Variants in RPL23A observed in about 807,000 individuals in gnomAD.
RPL23A encodes large ribosomal subunit protein uL23.
A neutral mutation model predicts 17.6 loss-of-function variants in RPL23A; 2 were observed. That is an observed-to-expected ratio of 0.11 (90% CI 0.05 to 0.36). The LOEUF (loss-of-function observed/expected upper bound fraction) is 0.36. Ranked by LOEUF, RPL23A falls within the 10% of genes least tolerant of loss-of-function variation. The pLI is 1.00. For missense variants in RPL23A, 132 were observed against 194.4 expected (o/e 0.68, Z 1.91); for synonymous variants, 65 against 74.3 (o/e 0.87, Z 0.65).
chr17:28,721,703 C>T (rs2151724285), intron 2 of RPL23A: 1 of 152,234 alleles, frequency 6.6e-6, no homozygotes, highest in East Asian at 1.9e-4. Context: ...TAATAACTGA[C>T]TTTTTAGGGA....
intron 2 of RPL23A, among the ~76,000 whole-genome samples, chr17:28,722,072 C>T (rs531464956): frequency 4.5e-4 from 69 of 151,724 alleles, no homozygotes; most frequent in African/African-American, 1.2e-3. Context: ...GGTGAAACCC[C>T]GTCTCTACTA....
intron 3 of RPL23A, 71 bp from the exon 4 acceptor site, chr17:28,723,500 C>T (rs200729777): frequency 3.8e-6 from 4 of 1,055,974 alleles, no homozygotes; most frequent in Non-Finnish European, 6.0e-6. Flanking sequence ...TGCCGGAGGA[C>T]TGGAGGAGGA....
Position 28,720,802 on chromosome 17 carries a change from C to T in RPL23A, c.121C>T (p.Arg41Cys). Residue 41 changes from arginine (R) to cysteine (C), a missense_variant, in exon 2 of 5, where the codon CGC becomes TGC. This residue lies in a region of RPL23A where 63 missense variants were observed against 48.9 expected (regional missense o/e 1.29). Transcript: ENST00000422514. ...GVHSHKKKKI[R>C]TSPTFRRPKT... ...CCACAGCCACAAAAAGAAGAAGATC[C>T]GCACGTCACCCACCTTCCGGCGGCC... 3 of 1,613,078 alleles carry T rather than the reference C, an allele frequency of 1.9e-6. No individual in the cohort carries two copies. The highest frequency in any genetic ancestry group is 2.2e-5 in the South Asian group (2 of 91,056).
rs2034098034 is a variant in RPL23A at position 28,720,626 on chromosome 17, G to C, written c.26-81G>C. 3 of 1,474,886 alleles carry C rather than the reference G, an allele frequency of 2.0e-6. No individual in the cohort carries two copies. In the East Asian group the frequency reaches 6.8e-5, roughly 33 times the overall value. 91.4% of individuals were successfully genotyped at this position (1,474,886 alleles called of 1,614,324 possible). On this transcript the variant is annotated intron_variant, in intron 1 of 4. Coordinates refer to ENST00000422514, the MANE Select transcript of RPL23A (RefSeq NM_000984.6). ...GGAACCACTGATGCACCTGTGGCCA[G>C]GGTGGCCCACTGCAGTTCTTGGGGC...
intron 2 of RPL23A, chr17:28,721,354 C>CA (rs200083924): frequency 0.12 from 15,950 of 138,328 alleles, 887 homozygotes; most frequent in South Asian, 0.21. Context: ...AACTCTGTCT[C>CA]AAAAAAAAAA....
intron 2 of RPL23A, 165 bp downstream of exon 2, chr17:28,721,055 C>T (rs2034105556): frequency 3.0e-6 from 2 of 671,016 alleles, no homozygotes; most frequent in Non-Finnish European, 5.0e-6. Context: ...ACAAAACTGG[C>T]AGGATCAGCC....
At chr17:28,721,633 C>T (rs1240442746) in intron 2 of RPL23A, 1 of 152,030 alleles carries the variant, frequency 6.6e-6, no homozygotes, top group East Asian at 1.9e-4. Context: ...TCATACTGCT[C>T]AAGGAACAGT....
chr17:28,722,965 T>G, intron 3 of RPL23A, 66 bp downstream of exon 3: 5 of 1,287,302 alleles, frequency 3.9e-6, no homozygotes, highest in South Asian at 1.2e-5. Context: ...AAAACCTGCA[T>G]TCCATGAAGC....
intron 1 of RPL23A, 35 bp downstream of exon 1, chr17:28,720,065 C>T (rs976098648): frequency 2.6e-6 from 4 of 1,550,586 alleles, no homozygotes; most frequent in Non-Finnish European, 2.6e-6. Flanking sequence ...GCTGGTTTAC[C>T]GGGGATTGCC....
In RPL23A at chr17:28,723,826, A is replaced by G. The variant is rs370767232; in HGVS notation, c.457-41A>G. On this transcript the variant is annotated intron_variant, in intron 4 of 4. Transcript: ENST00000422514. ...AAAATAACATTCCAGCTTAATCTTC[A>G]TATTTCAACTCCAGTAACGAGGCTC... 17 of 1,585,906 alleles carry G rather than the reference A, an allele frequency of 1.1e-5. No individual in the cohort carries two copies. The African/African-American group carries it at 1.7e-4, about 16-fold the overall frequency.
chr17:28,722,250 A>G (rs74993157), intron 2 of RPL23A, among the ~76,000 whole-genome samples: 1 of 151,188 alleles, frequency 6.6e-6, no homozygotes, highest in East Asian at 1.9e-4. Flanking sequence ...TGTCTCAAAA[A>G]AAAAAAAAAA....
chr17:28,720,681 C>G lies in RPL23A; in HGVS notation c.26-26C>G, dbSNP rs375213949. On this transcript the variant is annotated intron_variant, in intron 1 of 4. Coordinates refer to ENST00000422514, the MANE Select transcript of RPL23A (RefSeq NM_000984.6). ...AGTGACCGATTTCTAAATCCCGCAC[C>G]CACGTTTTCTTTCCTTTTCTCCCAG... 75 of 1,613,450 alleles carry G rather than the reference C, an allele frequency of 4.6e-5. No individual in the cohort carries two copies. In the African/African-American group the frequency reaches 8.5e-4, roughly 18 times the overall value.
rs557540065 is a variant in RPL23A, at chr17:28,722,740, T to C, written c.227T>C (p.Ile76Thr). The C allele has an allele frequency of 6.2e-7, 1 of 1,614,088 alleles. No homozygotes were observed. The highest frequency in any genetic ancestry group is 1.3e-5 in the African/African-American group (1 of 75,024). ...TCTCCCAGGCTTGACCACTATGCTA[T>C]CATCAAGTTTCCGCTGACCACTGAG... The part of the protein sequence containing the change: ...PRRNKLDHYA[I>T]IKFPLTTESA... Residue 76 changes from isoleucine to threonine, a missense_variant, in exon 3 of 5, where the codon ATC (isoleucine) becomes ACC (threonine). Coordinates refer to ENST00000422514, the MANE Select transcript of RPL23A (RefSeq NM_000984.6).
Position 28,722,660 on chromosome 17 carries a change from C to T in RPL23A, c.210-63C>T, listed in dbSNP as rs375381629. The T allele has an allele frequency of 5.0e-6, 7 of 1,389,828 alleles. No individual in the cohort carries two copies. The Admixed American group carries it at 8.4e-5, about 17-fold the overall frequency. 86.1% of individuals were successfully genotyped at this position (1,389,828 alleles called of 1,614,324 possible). On this transcript the variant is annotated intron_variant, in intron 2 of 4. Transcript: ENST00000422514. ...CCTCGTTGTCTGATGCACCTAGGCTCTCCTGGCTCTGGGCTCCAAAAGAAT... is the reference window on the plus strand; with the variant it reads ...CCTCGTTGTCTGATGCACCTAGGCTTTCCTGGCTCTGGGCTCCAAAAGAAT...
rs988121799 is a variant in RPL23A, at chr17:28,720,976, C to T, written c.209+86C>T. ...ATTCACTCACTCTGCGTGATGGTTT[C>T]TCAAACGCAAATTGTGTCCAGTGTG... On this transcript the variant is annotated intron_variant, in intron 2 of 4. Coordinates refer to ENST00000422514, the MANE Select transcript of RPL23A (RefSeq NM_000984.6). 23 of 1,185,016 alleles carry T rather than the reference C, an allele frequency of 1.9e-5. No individual in the cohort carries two copies. In the African/African-American group the frequency reaches 3.2e-4, roughly 17 times the overall value. 73.4% of individuals were successfully genotyped at this position (1,185,016 alleles called of 1,614,324 possible). A position where few individuals can be genotyped will look rare whatever the true frequency, so the allele number is the denominator to read the frequency against.
In RPL23A at chr17:28,722,798, A is replaced by T; in HGVS notation, c.285A>T (p.Thr95=). 6.2e-7 allele frequency: 1 copy of T among 1,612,714 alleles called. No individual in the cohort carries two copies. Among genetic ancestry groups the T allele is most frequent in the East Asian group, 2.2e-5 (1 of 44,878 alleles). The change falls in exon 3 of 5, where the codon ACA becomes ACT. Residue 95 remains threonine (T), a synonymous_variant. Transcript: ENST00000422514. The part of the protein sequence containing the change: ...SAMKKIEDNN[T]LVFIVDVKAN... ...TGAAGAAGATAGAAGACAACAACAC[A>T]CTTGTGTTCATTGTGGATGTTAAAG...
intron 2 of RPL23A, chr17:28,722,472 T>C: frequency 1.6e-6 from 1 of 613,450 alleles, no homozygotes; most frequent in South Asian, 1.4e-5. Context: ...CCAGCACACC[T>C]GGCCCAGAGA....
chr17:28,722,653 C>G (rs766605465), intron 2 of RPL23A, 70 bp from the exon 3 acceptor site: 1 of 1,292,876 alleles, frequency 7.7e-7, no homozygotes, highest in South Asian at 1.2e-5. Flanking sequence ...TCTGATGCAC[C>G]TAGGCTCTCC....
At chr17:28,720,538 G>A (rs756132249) in intron 1 of RPL23A, 169 bp from the exon 2 acceptor site, 1 of 1,441,132 alleles carries the variant, frequency 6.9e-7, no homozygotes, top group African/African-American at 1.4e-5. Context: ...GGTCGCTTTC[G>A]CCTCTGGTAT....
Sources: gnomAD v4.1 joint callset for allele counts (sites outside exome capture counted in the v4.1 genomes callset) on GRCh38, gnomAD v4.1.1 for gene constraint, gnomAD v4.1.1 regional missense constraint, MANE v1.5 for transcripts, NCBI Gene and HGNC (gene_info 2026-07-23, HGNC 2026-07-21) for gene names.